The following FAT4 variants were observed in gnomAD, a reference collection of about 807,000 sequenced individuals.
FAT4 encodes FAT atypical cadherin 4.
FAT4 carries 84 observed loss-of-function variants against 303.9 expected under a neutral mutation model. The observed-to-expected ratio is 0.28, with a 90% CI of 0.23 to 0.33. FAT4 has a LOEUF of 0.33. Among genes scored for constraint, FAT4 ranks in the 10% least tolerant of loss-of-function variants. The probability of loss-of-function intolerance (pLI) is 1.00; values close to 1 mark genes in which losing one functional copy is unlikely to be tolerated. For missense variants in FAT4, 6,005 were observed against 6,146.8 expected (o/e 0.98, Z 0.77); for synonymous variants, 2,307 against 2,298.8 (o/e 1.00, Z -0.10).
intron 8 of FAT4, among the ~76,000 whole-genome samples, chr4:125,438,444 A>C (rs1308027293): frequency 6.6e-6 from 1 of 152,090 alleles, no homozygotes; most frequent in African/African-American, 2.4e-5. Flanking sequence ...CTTTGGTAGT[A>C]TGTATTTTGG....
Position 125,415,600 on chromosome 4 carries a change from G to T in FAT4, c.6637G>T (p.Val2213Phe), listed in dbSNP as rs368265953. Reference sequence around the variant, plus strand: ...AGACTCTGTCACAGGTGCCATCACTGTCGCTAAACCTTTGGATAGAGAAAA... The same window carrying T: ...AGACTCTGTCACAGGTGCCATCACTTTCGCTAAACCTTTGGATAGAGAAAA... Reference protein sequence around the residue: ...RIDSVTGAITVAKPLDREKTP... With the variant: ...RIDSVTGAITFAKPLDREKTP... The change falls in exon 6 of 18, where the codon GTC (valine) becomes TTC (phenylalanine). Residue 2213 changes from valine to phenylalanine, a missense_variant. By Grantham distance (50) the Val-to-Phe change is conservative. Transcript: ENST00000394329. The T allele has an allele frequency of 4.2e-5, 68 of 1,614,030 alleles. No homozygotes were observed. The highest frequency in any genetic ancestry group is 5.6e-5 in the Non-Finnish European group (66 of 1,179,980).
At chr4:125,484,963 C>T (rs77142909) in intron 16 of FAT4, among the ~76,000 whole-genome samples, 2,161 of 152,004 alleles carry the variant, frequency 0.014, 60 homozygotes, top group African/African-American at 0.049. Flanking sequence ...ATGTATCCTC[C>T]CACCTCAGCC....
chr4:125,328,019 A>G (rs1546461), intron 2 of FAT4, among the ~76,000 whole-genome samples: 24,175 of 152,176 alleles, frequency 0.16, 3,302 homozygotes, highest in African/African-American at 0.36. Flanking sequence ...TATAAAACCC[A>G]TAAAAGTAGG....
chr4:125,411,764 A>G (rs1296018042), intron 5 of FAT4, among the ~76,000 whole-genome samples: 3 of 148,524 alleles, frequency 2.0e-5, no homozygotes, highest in Non-Finnish European at 4.5e-5. Flanking sequence ...TATATATTTT[A>G]TGTGCTGTGC....
Position 125,319,899 on chromosome 4 carries a change from G to T in FAT4, c.3488G>T (p.Arg1163Met). The T allele has an allele frequency of 1.2e-6, 2 of 1,614,120 alleles. No individual in the cohort carries two copies. The highest frequency in any genetic ancestry group is 1.7e-6 in the Non-Finnish European group (2 of 1,180,034). The stretch of plus-strand genomic sequence containing the variant: ...ATTACAAATACTCATCAGTTTGACA[G>T]GGAGTCTCTTATGAGGCGGAGAGGG... ...GEITNTHQFDRESLMRRRGTA... is the reference protein window; with the variant it reads ...GEITNTHQFDMESLMRRRGTA... Residue 1163 changes from arginine to methionine, a missense_variant, in exon 2 of 18, where the codon AGG becomes ATG. Coordinates refer to ENST00000394329, the MANE Select transcript of FAT4 (RefSeq NM_001291303.3).
At position 125,401,463 on chromosome 4, in the gene FAT4, T is replaced by C. The variant is rs1734386016; in HGVS notation, c.5307+2548T>C. Among the ~76,000 whole-genome samples, 4 of 151,976 alleles carry C rather than the reference T, an allele frequency of 2.6e-5. No individual in the cohort carries two copies. In the South Asian group the frequency reaches 8.3e-4, roughly 31 times the overall value. ...GCTCTGTTTTCTTTCTTCATCTAGT[T>C]TGAGTAAGACTCGAGATTATGTAGG... is the stretch of plus-strand genomic sequence containing the variant. On this transcript the variant is annotated intron_variant, in intron 3 of 17. Coordinates refer to ENST00000394329, the MANE Select transcript of FAT4 (RefSeq NM_001291303.3).
intron 2 of FAT4, among the ~76,000 whole-genome samples, chr4:125,362,057 T>G (rs1335133320): frequency 1.3e-5 from 2 of 152,168 alleles, no homozygotes; most frequent in Non-Finnish European, 1.5e-5. Flanking sequence ...TTGCTTATAC[T>G]CAATTGCCAT....
At chr4:125,392,323 CCA>C (rs1734005796) in intron 2 of FAT4, among the ~76,000 whole-genome samples, 1 of 151,996 alleles carries the variant, frequency 6.6e-6, no homozygotes, top group African/African-American at 2.4e-5. Context: ...AGTGTCAGTT[CCA>C]CAAATCCAAA....
chr4:125,331,133 A>G (rs4834027), intron 2 of FAT4, among the ~76,000 whole-genome samples: 76,540 of 151,622 alleles, frequency 0.5, 20,079 homozygotes, highest in Non-Finnish European at 0.59. Flanking sequence ...ATCACCCGAC[A>G]TAACACATAT....
intron 2 of FAT4, among the ~76,000 whole-genome samples, chr4:125,390,034 G>A (rs1733918307): frequency 1.3e-5 from 2 of 152,058 alleles, no homozygotes; most frequent in African/African-American, 2.4e-5. Flanking sequence ...ATTCCCAGTG[G>A]TCACCCAAAA....
intron 12 of FAT4, among the ~76,000 whole-genome samples, chr4:125,474,222 G>T (rs1430893587): frequency 4.0e-5 from 6 of 151,848 alleles, no homozygotes; most frequent in Non-Finnish European, 8.8e-5. Context: ...GTTATCCAAG[G>T]TTATTTTTCT....
At chr4:125,372,593 GC>G (rs1400104845) in intron 2 of FAT4, among the ~76,000 whole-genome samples, 1 of 151,956 alleles carries the variant, frequency 6.6e-6, no homozygotes, top group Non-Finnish European at 1.5e-5. Context: ...GGGGAAGCTG[GC>G]TTAAAAAAAA....
At chr4:125,379,229 C>A (rs987210893) in intron 2 of FAT4, among the ~76,000 whole-genome samples, 1 of 149,134 alleles carries the variant, frequency 6.7e-6, no homozygotes, top group Non-Finnish European at 1.5e-5. Flanking sequence ...AATTAACATG[C>A]GGAACAATCT....
rs1251650272 is a variant in FAT4 at position 125,346,400 on chromosome 4, CTT to C, written c.5175+24817_5175+24818del. 3.3e-5 allele frequency among the ~76,000 whole-genome samples: 5 copies of C among 151,912 alleles called. No homozygotes were observed. The East Asian group carries it at 9.7e-4, about 29-fold the overall frequency. ...AGAAAAAAAAACTTGCAGATTAAAA[CTT>C]TTATGGCTATACTTTTTTTTTGACA... On this transcript the variant is annotated intron_variant, in intron 2 of 17. Coordinates refer to ENST00000394329, the MANE Select transcript of FAT4 (RefSeq NM_001291303.3).
intron 2 of FAT4, among the ~76,000 whole-genome samples, chr4:125,346,502 A>G (rs1732009868): frequency 1.3e-5 from 2 of 151,950 alleles, no homozygotes; most frequent in Admixed American, 6.6e-5. Context: ...TGAATCATAA[A>G]TTTCTTAGAG....
chr4:125,377,331 C>CA (rs141299885), intron 2 of FAT4, among the ~76,000 whole-genome samples: 5,988 of 149,338 alleles, frequency 0.04, 388 homozygotes, highest in African/African-American at 0.13. Flanking sequence ...CATTCTTTAT[C>CA]AAAAAAAAAC....
intron 16 of FAT4, among the ~76,000 whole-genome samples, chr4:125,482,137 T>G (rs928239850): frequency 2.0e-5 from 3 of 152,194 alleles, no homozygotes; most frequent in Non-Finnish European, 4.4e-5. Flanking sequence ...TATTGATATG[T>G]ATATGTCAAT....
chr4:125,434,943 C>G (rs1021873546), intron 8 of FAT4, among the ~76,000 whole-genome samples: 7 of 152,164 alleles, frequency 4.6e-5, no homozygotes, highest in Non-Finnish European at 1.0e-4. Context: ...CCAGAACTCT[C>G]AAAGGTCAGA....
intron 2 of FAT4, among the ~76,000 whole-genome samples, chr4:125,334,038 T>G (rs74421443): frequency 0.011 from 1,669 of 152,044 alleles, 38 homozygotes; most frequent in South Asian, 0.035. Flanking sequence ...ACAATAGGGT[T>G]TATGTGGCCC....
Sources: gnomAD v4.1 joint callset for allele counts (sites outside exome capture counted in the v4.1 genomes callset) on GRCh38, gnomAD v4.1.1 for gene constraint, MANE v1.5 for transcripts, NCBI Gene and HGNC (gene_info 2026-07-23, HGNC 2026-07-21) for gene names.